FHL2: variants seen among roughly 807,000 people sequenced by gnomAD.
FHL2 encodes the protein four and a half LIM domains 2, also known as four and a half LIM domains protein 2.
FHL2 carries 20 observed loss-of-function variants against 32.7 expected under a neutral mutation model. That is an observed-to-expected ratio of 0.61 (90% CI 0.43 to 0.89). The LOEUF (loss-of-function observed/expected upper bound fraction) is 0.89. Ranked by LOEUF, FHL2 falls within the 40% of genes least tolerant of loss-of-function variation. The pLI, the probability that FHL2 is intolerant of heterozygous loss-of-function variation, is 0.00. For missense variants in FHL2, 311 were observed against 358.6 expected (o/e 0.87, Z 1.07); for synonymous variants, 123 against 128.1 (o/e 0.96, Z 0.27).
chr2:105,364,375 C>T (rs529626205), intron 5 of FHL2, among the ~76,000 whole-genome samples: 16 of 152,296 alleles, frequency 1.1e-4, no homozygotes, highest in Middle Eastern at 3.4e-3. Context: ...AAAGGACAGC[C>T]GGGACTAGCA....
chr2:105,394,578 TG>T (rs57870884), intron 2 of FHL2, among the ~76,000 whole-genome samples: 102,973 of 144,740 alleles, frequency 0.71, 36,408 homozygotes, highest in Middle Eastern at 0.78. Flanking sequence ...AATGAGACCC[TG>T]GGAAAAAAAA....
intron 1 of FHL2, among the ~76,000 whole-genome samples, chr2:105,422,461 TA>T (rs892514017): frequency 3.9e-5 from 6 of 152,260 alleles, no homozygotes; most frequent in Middle Eastern, 3.4e-3. Flanking sequence ...ATAAGAGAAA[TA>T]TTTTTTTTAT....
intron 5 of FHL2, among the ~76,000 whole-genome samples, chr2:105,366,719 C>T (rs937354335): frequency 6.6e-6 from 1 of 152,154 alleles, no homozygotes; most frequent in Non-Finnish European, 1.5e-5. Context: ...TGGAATAGCA[C>T]ATTATCGAGT....
At chr2:105,360,403 C>G (rs1238173757), downstream of FHL2, 3 of 150,710 alleles carry the variant, frequency 2.0e-5, no homozygotes, top group Admixed American at 2.0e-4. Context: ...GTCTTCCAGG[C>G]TGGAGTTCAG....
chr2:105,406,753 G>A (rs1016813593), intron 1 of FHL2, among the ~76,000 whole-genome samples: 1 of 152,214 alleles, frequency 6.6e-6, no homozygotes, highest in Admixed American at 6.5e-5. Context: ...GCAGGAGAGA[G>A]TCTTTGAGAG....
chr2:105,399,797 G>T, upstream of FHL2: 1 of 571,494 alleles, frequency 1.7e-6, no homozygotes, highest in Non-Finnish European at 2.9e-6. Flanking sequence ...CTGGGAGAGG[G>T]TGCGTCGTGA....
At chr2:105,434,873 A>G (rs1684542182) in intron 1 of FHL2, among the ~76,000 whole-genome samples, 1 of 152,046 alleles carries the variant, frequency 6.6e-6, no homozygotes, top group Non-Finnish European at 1.5e-5. Flanking sequence ...CTCCGAAACT[A>G]GCTATTATTT....
chr2:105,412,105 A>C (rs1683811385), intron 1 of FHL2, among the ~76,000 whole-genome samples: 1 of 152,252 alleles, frequency 6.6e-6, no homozygotes, highest in Non-Finnish European at 1.5e-5. Flanking sequence ...AATTGAAAGC[A>C]GGGTTTGGAA....
chr2:105,408,388 A>T (rs1683699046), intron 1 of FHL2, among the ~76,000 whole-genome samples: 1 of 152,354 alleles, frequency 6.6e-6, no homozygotes, highest in South Asian at 2.1e-4. Context: ...TTTCCAAGTC[A>T]TGTAATCCTA....
At position 105,424,330 on chromosome 2, in the gene FHL2, C is replaced by G. The variant is rs148644550; in HGVS notation, c.-25+14069G>C. Among the ~76,000 whole-genome samples the G allele has an allele frequency of 3.6e-4, 55 of 152,324 alleles. 2 individuals are homozygous for G. In the East Asian group the frequency reaches 0.01, roughly 28 times the overall value. Reference sequence around the variant, plus strand: ...CGCAAATCAAAACCACAACGAGATACCATCTCATGCCAGTTAGAATGCTGA... The same window carrying G: ...CGCAAATCAAAACCACAACGAGATAGCATCTCATGCCAGTTAGAATGCTGA... On this transcript the variant is annotated intron_variant, in intron 1 of 5. Transcript: ENST00000393352.
At position 105,361,303 on chromosome 2, in the gene FHL2, C is replaced by T. The variant is rs145070796; in HGVS notation, c.820G>A (p.Asp274Asn). ...LTERDDILCPDCGKDI is the reference protein window; with the variant it reads ...LTERDDILCPNCGKDI ...TGAATTCAGATGTCTTTCCCACAGT[C>T]GGGGCACAGGATGTCGTCCCTCTCT... The change falls in exon 7 of 7, where the codon GAC becomes AAC. Residue 274 changes from aspartate to asparagine, a missense_variant. Transcript: ENST00000530340. 21 of 1,613,538 alleles carry T rather than the reference C, an allele frequency of 1.3e-5. No homozygotes were observed. In the African/African-American group the frequency reaches 1.7e-4, roughly 13 times the overall value.
At chr2:105,400,163 A>T (rs140017609), upstream of FHL2, among the ~76,000 whole-genome samples, 1 of 152,162 alleles carries the variant, frequency 6.6e-6, no homozygotes, top group African/African-American at 2.4e-5. Context: ...ATTTACGGTG[A>T]GGAAAGTTCA....
chr2:105,368,212 A>C (rs1326378761), intron 4 of FHL2, among the ~76,000 whole-genome samples: 3 of 152,230 alleles, frequency 2.0e-5, no homozygotes, highest in Non-Finnish European at 2.9e-5. Flanking sequence ...TGGAACCTCG[A>C]ACCTGATTCA....
At chr2:105,372,833 A>T (rs1394350973) in intron 4 of FHL2, among the ~76,000 whole-genome samples, 1 of 152,214 alleles carries the variant, frequency 6.6e-6, no homozygotes, top group African/African-American at 2.4e-5. Context: ...CTGGAATTAC[A>T]GGTATAAGCC....
intron 1 of FHL2, among the ~76,000 whole-genome samples, chr2:105,421,256 A>C (rs1444454548): frequency 6.6e-6 from 1 of 152,236 alleles, no homozygotes; most frequent in Admixed American, 6.5e-5. Flanking sequence ...GAGTCCACAC[A>C]AATTTGATTT....
At chr2:105,420,000 A>G (rs6543294) in intron 1 of FHL2, among the ~76,000 whole-genome samples, 53,418 of 152,094 alleles carry the variant, frequency 0.35, 9,826 homozygotes, top group East Asian at 0.54. Flanking sequence ...AGGTCTCAAG[A>G]GGAGAAGTGA....
At chr2:105,364,760 C>T (rs1314676319) in intron 5 of FHL2, among the ~76,000 whole-genome samples, 2 of 152,152 alleles carry the variant, frequency 1.3e-5, no homozygotes, top group Non-Finnish European at 2.9e-5. Context: ...TTACATAAAG[C>T]TTGTGAAGTA....
intron 3 of FHL2, chr2:105,376,400 A>G (rs990275142): frequency 6.6e-6 from 1 of 152,250 alleles, no homozygotes; most frequent in Non-Finnish European, 1.5e-5. Context: ...GCAACTTTCT[A>G]GAACATATTT....
intron 3 of FHL2, among the ~76,000 whole-genome samples, chr2:105,377,133 T>TCCCA (rs1316866469): frequency 3.3e-5 from 5 of 152,254 alleles, no homozygotes; most frequent in Non-Finnish European, 7.4e-5. Context: ...TATACATAAC[T>TCCCA]CCCACATGCT....
Sources: gnomAD v4.1 joint callset for allele counts (sites outside exome capture counted in the v4.1 genomes callset) on GRCh38, gnomAD v4.1.1 for gene constraint, MANE v1.5 for transcripts, NCBI Gene and HGNC (gene_info 2026-07-23, HGNC 2026-07-21) for gene names.